The following DLG2 variants were observed in gnomAD, a reference collection of about 807,000 sequenced individuals.
DLG2 encodes disks large homolog 2.
A neutral mutation model predicts 132.5 loss-of-function variants in DLG2; 45 were observed. The observed-to-expected ratio is 0.34, with a 90% confidence interval of 0.27 to 0.44. The LOEUF is 0.44. Ranked by LOEUF, DLG2 falls within the 20% of genes least tolerant of loss-of-function variation. DLG2 has a pLI of 1.00. For synonymous variants in DLG2, 424 were observed against 419.6 expected (o/e 1.01, Z -0.13); for missense variants, 1,045 against 1,196.9 (o/e 0.87, Z 1.87).
intron 18 of DLG2, among the ~76,000 whole-genome samples, chr11:83,752,064 C>A (rs950527764): frequency 6.6e-6 from 1 of 152,080 alleles, no homozygotes. Flanking sequence ...GTCAGGAGAT[C>A]GAGACCATCC....
chr11:84,094,319 G>GT (rs979248020), intron 10 of DLG2, among the ~76,000 whole-genome samples: 15 of 152,250 alleles, frequency 9.9e-5, no homozygotes, highest in African/African-American at 3.6e-4. Context: ...TTGGCACATT[G>GT]TAAGCACTGT....
At chr11:83,498,384 A>G (rs2094264745) in intron 21 of DLG2, among the ~76,000 whole-genome samples, 3 of 152,030 alleles carry the variant, frequency 2.0e-5, no homozygotes, top group African/African-American at 7.2e-5. Flanking sequence ...TGAAATTAAA[A>G]CTCAGTAACA....
At chr11:85,494,279 T>G (rs868011084) in intron 3 of DLG2, among the ~76,000 whole-genome samples, 3 of 152,224 alleles carry the variant, frequency 2.0e-5, no homozygotes, top group South Asian at 4.1e-4. Flanking sequence ...TATTGATTTT[T>G]GGTAAATTAC....
In DLG2 at chr11:84,458,867, T is replaced by G. The variant is rs190442022; in HGVS notation, c.519+75703A>C. The stretch of plus-strand genomic sequence containing the variant: ...AAAATTACTGGTAATATTTATTGAG[T>G]GAATACTTTGTCAAGCAGTACACGA... On this transcript the variant is annotated intron_variant, in intron 7 of 27. Coordinates refer to ENST00000376104, the MANE Select transcript of DLG2 (RefSeq NM_001142699.3). Among the ~76,000 whole-genome samples, 26 of 150,742 alleles carry G rather than the reference T, an allele frequency of 1.7e-4. No homozygotes were observed. In the South Asian group the frequency reaches 3.1e-3, roughly 18 times the overall value.
chr11:85,446,310 G>A (rs2092006720), intron 3 of DLG2, among the ~76,000 whole-genome samples: 1 of 152,136 alleles, frequency 6.6e-6, no homozygotes, highest in African/African-American at 2.4e-5. Flanking sequence ...CTATCAATTA[G>A]CACAAGAATA....
At position 85,493,962 on chromosome 11, in the gene DLG2, A is replaced by G. The variant is rs528988118; in HGVS notation, c.40+104695T>C. 4.6e-5 allele frequency among the ~76,000 whole-genome samples: 7 copies of G among 152,314 alleles called. 1 individual carries two copies. Among genetic ancestry groups the G allele is most frequent in the African/African-American group, 1.7e-4 (7 of 41,562 alleles). On this transcript the variant is annotated intron_variant, in intron 3 of 27. Transcript: ENST00000376104. ...ATTGGCATTCAGTGAGGGCTGCTCT[A>G]TATTTCCAAGATAGTCCCTTGTTGC...
At chr11:84,359,252 G>C (rs1383287186) in intron 7 of DLG2, among the ~76,000 whole-genome samples, 3 of 151,844 alleles carry the variant, frequency 2.0e-5, no homozygotes, top group Admixed American at 6.6e-5. Context: ...ACTGAGAAAT[G>C]AATCAATATG....
chr11:84,668,246 T>C (rs550098474), intron 6 of DLG2, among the ~76,000 whole-genome samples: 1 of 152,178 alleles, frequency 6.6e-6, no homozygotes, highest in Non-Finnish European at 1.5e-5. Flanking sequence ...TGCCATGATC[T>C]GTACCCTACA....
intron 9 of DLG2, among the ~76,000 whole-genome samples, chr11:84,099,748 T>C (rs112840489): frequency 1.4e-5 from 2 of 147,484 alleles, no homozygotes; most frequent in Admixed American, 6.9e-5. Context: ...TGTATATATA[T>C]ATACATATAT....
chr11:85,109,263 AC>A (rs1393248251), intron 6 of DLG2, among the ~76,000 whole-genome samples: 1 of 152,098 alleles, frequency 6.6e-6, no homozygotes, highest in African/African-American at 2.4e-5. Flanking sequence ...AGATATAATT[AC>A]TTTTATGTAA....
At chr11:84,915,262 T>TC (rs34293236) in intron 6 of DLG2, among the ~76,000 whole-genome samples, 165 of 151,514 alleles carry the variant, frequency 1.1e-3, no homozygotes, top group African/African-American at 2.8e-3. Flanking sequence ...GAATTGTATT[T>TC]CCCCCCCCAT....
chr11:84,009,507 G>A (rs933176993), intron 11 of DLG2, among the ~76,000 whole-genome samples: 1 of 151,982 alleles, frequency 6.6e-6, no homozygotes, highest in African/African-American at 2.4e-5. Context: ...CTTGAAGGGT[G>A]AATTTAGCAA....
intron 5 of DLG2, among the ~76,000 whole-genome samples, chr11:85,143,148 G>C (rs746876673): frequency 9.9e-5 from 15 of 151,538 alleles, no homozygotes; most frequent in African/African-American, 1.9e-4. Context: ...TTAAATATTT[G>C]GTAGAATTCA....
In DLG2 at chr11:84,336,207, T is replaced by C. The variant is rs530865006; in HGVS notation, c.520-84916A>G. Reference sequence around the variant, plus strand: ...AAATTCCCCAACATAAATTAGGAGATGTTAAAAAGTAAAACCAGAGAAAAT... The same window carrying C: ...AAATTCCCCAACATAAATTAGGAGACGTTAAAAAGTAAAACCAGAGAAAAT... On this transcript the variant is annotated intron_variant, in intron 7 of 27. Transcript: ENST00000376104. Among the ~76,000 whole-genome samples the C allele has an allele frequency of 9.8e-5, 15 of 152,318 alleles. 1 individual carries two copies. Among genetic ancestry groups the C allele is most frequent in the Admixed American group, 7.2e-4 (11 of 15,308 alleles).
chr11:83,824,168 T>A (rs1204063458), intron 17 of DLG2, among the ~76,000 whole-genome samples: 1 of 152,144 alleles, frequency 6.6e-6, no homozygotes, highest in African/African-American at 2.4e-5. Flanking sequence ...CAATAAAGGT[T>A]AGGCATTTTA....
chr11:84,307,695 C>CA (rs1222486667), intron 7 of DLG2, among the ~76,000 whole-genome samples: 4,399 of 77,354 alleles, frequency 0.057, 179 homozygotes, highest in Middle Eastern at 0.071. Flanking sequence ...GACGCAGTCT[C>CA]AAAAAAAAAA....
chr11:84,688,921 CTTAG>C (rs1446510207), intron 6 of DLG2, among the ~76,000 whole-genome samples: 8 of 152,260 alleles, frequency 5.3e-5, no homozygotes, highest in Non-Finnish European at 1.2e-4. Flanking sequence ...TCTGCATATA[CTTAG>C]TTAGCTACAC....
intron 17 of DLG2, among the ~76,000 whole-genome samples, chr11:83,812,352 G>C (rs928627917): frequency 3.8e-4 from 57 of 151,838 alleles, no homozygotes; most frequent in African/African-American, 1.3e-3. Flanking sequence ...AAATATATTT[G>C]TCCATCTGAT....
chr11:85,466,225 A>G (rs1251078310), intron 3 of DLG2, among the ~76,000 whole-genome samples: 7 of 152,220 alleles, frequency 4.6e-5, no homozygotes, highest in Non-Finnish European at 8.8e-5. Flanking sequence ...TTGTCAGACG[A>G]GTAAATTGCA....
Sources: allele counts gnomAD v4.1 joint callset (sites outside exome capture counted in the v4.1 genomes callset), GRCh38; gene constraint gnomAD v4.1.1; transcripts MANE v1.5; gene names NCBI Gene and HGNC (gene_info 2026-07-23, HGNC 2026-07-21).